Variants in COL4A6 observed in about 807,000 individuals in gnomAD.
COL4A6 encodes collagen type IV alpha 6 chain, also known as collagen alpha-6(IV) chain.
Under a neutral mutation model 126.7 loss-of-function variants are expected in COL4A6, and 59 were observed. The observed-to-expected ratio is 0.47, with a 90% CI of 0.38 to 0.58. COL4A6 has a LOEUF of 0.58. Among genes scored for constraint, COL4A6 ranks in the 20% least tolerant of loss-of-function variants. The pLI is 0.00. For missense variants in COL4A6, 1,285 were observed against 1,337.3 expected (o/e 0.96, Z 0.61); for synonymous variants, 547 against 496.6 (o/e 1.10, Z -1.35).
chrX:108,211,867 T>C, intron 6 of COL4A6, 127 bp from the exon 7 acceptor site: 3 of 619,396 alleles, frequency 4.8e-6, no homozygotes, highest in East Asian at 7.0e-5. Context: ...TATGGCAAAA[T>C]TGGCTGTACT....
intron 3 of COL4A6, among the ~76,000 whole-genome samples, chrX:108,249,095 T>A (rs1273857518): frequency 9.1e-6 from 1 of 110,228 alleles, no homozygotes; most frequent in Non-Finnish European, 1.9e-5. Context: ...TATATTACAA[T>A]GTAATAATAA....
intron 2 of COL4A6, among the ~76,000 whole-genome samples, chrX:108,343,157 ATATATATAGTGTGTGTGT>A (rs1330462597): frequency 5.3e-4 from 39 of 73,866 alleles, no homozygotes; most frequent in African/African-American, 1.9e-3. Context: ...ATATATATAT[ATATATATAGTGTGTGTGT>A]GTGTGTGTGT....
At position 108,191,384 on chromosome X, in the gene COL4A6, G is replaced by A. The variant is rs1357215777; in HGVS notation, c.1321+9C>T. 3 of 1,205,771 alleles carry A rather than the reference G, an allele frequency of 2.5e-6. No individual in the cohort carries two copies. The highest frequency in any genetic ancestry group is 3.0e-5 in the East Asian group (1 of 33,653). ...ATCTTGAGACCAAAAAGAGAAATGAGTAACTTACTAGGTGGGCCTGGTGGA... is the reference window on the plus strand; with the variant it reads ...ATCTTGAGACCAAAAAGAGAAATGAATAACTTACTAGGTGGGCCTGGTGGA... On this transcript the variant is annotated intron_variant, in intron 19 of 44. Transcript: ENST00000334504.
chrX:108,156,283 A>G lies in COL4A6; in HGVS notation c.*717T>C, dbSNP rs1042071. On this transcript the variant is annotated 3_prime_UTR_variant, in exon 45 of 45. Coordinates refer to ENST00000334504, the MANE Select transcript of COL4A6 (RefSeq NM_033641.4). The stretch of plus-strand genomic sequence containing the variant: ...TCTGCTTTACTTTGAACCAGGCCAC[A>G]TCCTCTGTCTCTGGCTGGAGGGGGA... 0.49 allele frequency: 54,493 copies of G among 110,344 alleles called. 10,415 individuals are homozygous for G. The highest frequency in any genetic ancestry group is 0.66 in the African/African-American group (19,986 of 30,281). 9.1% of individuals were successfully genotyped at this position (110,344 alleles called of 1,213,427 possible).
chrX:108,341,105 G>A (rs765033129), intron 2 of COL4A6, among the ~76,000 whole-genome samples: 1 of 111,240 alleles, frequency 9.0e-6, no homozygotes, highest in Non-Finnish European at 1.9e-5. Flanking sequence ...GGATGTATCT[G>A]AGCTTTCTGT....
intron 3 of COL4A6, among the ~76,000 whole-genome samples, chrX:108,253,653 A>G (rs1399169090): frequency 9.0e-6 from 1 of 111,663 alleles, no homozygotes; most frequent in Non-Finnish European, 1.9e-5. Context: ...CTGTGTAGGT[A>G]CTGATACCAC....
chrX:108,373,248 G>A (rs1356013900), intron 2 of COL4A6, among the ~76,000 whole-genome samples: 1 of 110,955 alleles, frequency 9.0e-6, no homozygotes, highest in Non-Finnish European at 1.9e-5. Context: ...CACACAAAGG[G>A]AAAAAAGACA....
At chrX:108,342,652 C>T (rs182207476) in intron 2 of COL4A6, among the ~76,000 whole-genome samples, 1 of 111,713 alleles carries the variant, frequency 9.0e-6, no homozygotes, top group East Asian at 2.8e-4. Context: ...GTATGTCTTG[C>T]ATCCCTATTT....
At position 108,159,648 on chromosome X, in the gene COL4A6, G is replaced by A. The variant is rs898217894; in HGVS notation, c.4626C>T (p.Tyr1542=). 1 of 1,210,796 alleles carries A rather than the reference G, an allele frequency of 8.3e-7. No homozygotes were observed. Among genetic ancestry groups the A allele is most frequent in the African/African-American group, 1.7e-5 (1 of 57,346 alleles). The part of the protein sequence containing the change: ...CHYARRNDKS[Y]WLSTTAPIPM... ...GGATAGGGGCGGTAGTGGAGAGCCAGTAAGATTTATCATTGCGCCTGGCAT... is the reference window on the plus strand; with the variant it reads ...GGATAGGGGCGGTAGTGGAGAGCCAATAAGATTTATCATTGCGCCTGGCAT... The change falls in exon 44 of 45, where the codon TAC becomes TAT. Residue 1542 remains tyrosine (Y), a synonymous_variant. Transcript: ENST00000334504.
At chrX:108,313,482 G>T (rs2038809397) in intron 2 of COL4A6, among the ~76,000 whole-genome samples, 1 of 111,476 alleles carries the variant, frequency 9.0e-6, no homozygotes, top group Admixed American at 9.5e-5. Context: ...TAATAAAAAT[G>T]TAAGCAAAAA....
rs146828247 is a variant in COL4A6, at chrX:108,187,967, T to C, written c.1648A>G (p.Ser550Gly). 77 of 1,204,712 alleles carry C rather than the reference T, an allele frequency of 6.4e-5. No individual in the cohort carries two copies. In the African/African-American group the frequency reaches 7.9e-4, roughly 12 times the overall value. ...TCTCCTGGCATTCCTTGGATTGTACTGAGAATTGGTTCCCCCTTCTTTCCT... is the reference window on the plus strand; with the variant it reads ...TCTCCTGGCATTCCTTGGATTGTACCGAGAATTGGTTCCCCCTTCTTTCCT... ...PKGKKGEPIL[S>G]TIQGMPGDRG... Residue 550 changes from serine to glycine, a missense_variant, in exon 22 of 45, where the codon AGT becomes GGT. Transcript: ENST00000334504.
Position 108,190,409 on chromosome X carries a change from C to A in COL4A6, c.1409G>T (p.Gly470Val). The change falls in exon 20 of 45, where the codon GGC becomes GTC. Residue 470 changes from glycine (G) to valine (V), a missense_variant. Gly to Val is a moderately radical substitution (Grantham distance 109). Coordinates refer to ENST00000334504, the MANE Select transcript of COL4A6 (RefSeq NM_033641.4). ...AAAATCACCTTTTATTCCTTTGAGG[C>A]CTAGGTTTCCTTTTGGACCTTGTTC... ...RGEQGPKGNL[G>V]LKGIKGDSGF... 8.3e-7 allele frequency: 1 copy of A among 1,201,743 alleles called. No homozygotes were observed. The highest frequency in any genetic ancestry group is 1.1e-6 in the Non-Finnish European group (1 of 887,456).
chrX:108,227,281 C>T (rs1325125011), intron 3 of COL4A6, among the ~76,000 whole-genome samples: 1 of 111,962 alleles, frequency 8.9e-6, no homozygotes, highest in Non-Finnish European at 1.9e-5. Flanking sequence ...AAGCCAGTGG[C>T]CCAGGTACAG....
At chrX:108,400,024 C>T (rs1359362132) in intron 2 of COL4A6, among the ~76,000 whole-genome samples, 2 of 109,634 alleles carry the variant, frequency 1.8e-5, no homozygotes, top group African/African-American at 6.9e-5. Context: ...TGTATTCAGA[C>T]TACATGGCTG....
intron 3 of COL4A6, among the ~76,000 whole-genome samples, chrX:108,258,684 A>G (rs2037073568): frequency 8.9e-6 from 1 of 112,075 alleles, no homozygotes; most frequent in Non-Finnish European, 1.9e-5. Flanking sequence ...GGCACTGAAT[A>G]TTTGTTTAGA....
chrX:108,213,572 G>T (rs2035772188), intron 6 of COL4A6, among the ~76,000 whole-genome samples: 1 of 112,212 alleles, frequency 8.9e-6, no homozygotes, highest in Non-Finnish European at 1.9e-5. Flanking sequence ...TGAGCCAAAT[G>T]ATTTCTAGAT....
intron 3 of COL4A6, among the ~76,000 whole-genome samples, chrX:108,231,696 C>T (rs188510899): frequency 3.0e-4 from 33 of 111,709 alleles, no homozygotes; most frequent in African/African-American, 1.0e-3. Context: ...GCTCTGAACG[C>T]AGAGACACAA....
intron 3 of COL4A6, among the ~76,000 whole-genome samples, chrX:108,274,433 G>A (rs1280002136): frequency 9.0e-6 from 1 of 111,254 alleles, no homozygotes; most frequent in Non-Finnish European, 1.9e-5. Context: ...ATTGCCTTCT[G>A]GTATGTAAGA....
intron 3 of COL4A6, among the ~76,000 whole-genome samples, chrX:108,283,832 A>G (rs898933610): frequency 2.7e-5 from 3 of 111,495 alleles, no homozygotes; most frequent in African/African-American, 9.8e-5. Context: ...TCTTCCAAGA[A>G]AAAAAGAGGG....
Sources: allele counts gnomAD v4.1 joint callset (sites outside exome capture counted in the v4.1 genomes callset), GRCh38; gene constraint gnomAD v4.1.1; transcripts MANE v1.5; gene names NCBI Gene and HGNC (gene_info 2026-07-23, HGNC 2026-07-21).